The following UST variants were observed in gnomAD, a reference collection of about 807,000 sequenced individuals.
UST encodes uronyl 2-sulfotransferase.
In UST, 21 loss-of-function variants were observed where a neutral mutation model predicts 45.6. That is an observed-to-expected ratio of 0.46 (90% CI 0.33 to 0.66). UST has a LOEUF of 0.66. Among genes scored for constraint, UST ranks in the 30% least tolerant of loss-of-function variants. UST has a pLI of 0.02. For missense variants in UST, 463 were observed against 512.4 expected (o/e 0.90, Z 0.93); for synonymous variants, 215 against 200.6 (o/e 1.07, Z -0.61).
intron 2 of UST, among the ~76,000 whole-genome samples, chr6:148,894,829 T>TTG (rs1779090497): frequency 9.4e-6 from 1 of 106,110 alleles, no homozygotes; most frequent in Non-Finnish European, 2.0e-5. Context: ...TTTTTTTTTT[T>TTG]TTTTTTTGAG....
intron 7 of UST, among the ~76,000 whole-genome samples, chr6:149,032,750 T>A (rs1776173602): frequency 6.6e-6 from 1 of 152,190 alleles, no homozygotes; most frequent in Admixed American, 6.5e-5. Flanking sequence ...CCCCTCTGTG[T>A]CTACCCCAGT....
intron 1 of UST, among the ~76,000 whole-genome samples, chr6:148,779,571 C>G (rs1013427235): frequency 9.2e-5 from 14 of 152,188 alleles, no homozygotes; most frequent in Admixed American, 8.5e-4. Context: ...ATAATAATTC[C>G]CACTCAGCCC....
intron 1 of UST, among the ~76,000 whole-genome samples, chr6:148,847,198 T>C (rs945410262): frequency 6.6e-6 from 1 of 152,292 alleles, no homozygotes; most frequent in Admixed American, 6.5e-5. Flanking sequence ...CACATACTTA[T>C]TATCTCCAGG....
intron 4 of UST, among the ~76,000 whole-genome samples, chr6:148,954,529 C>T (rs940913028): frequency 1.3e-5 from 2 of 152,060 alleles, no homozygotes; most frequent in Admixed American, 6.6e-5. Context: ...GTCACAGTTG[C>T]CTCCAGTATT....
chr6:149,032,778 C>T (rs1270506962), intron 7 of UST, among the ~76,000 whole-genome samples: 2 of 152,194 alleles, frequency 1.3e-5, no homozygotes, highest in Non-Finnish European at 2.9e-5. Context: ...TGTGGTCAGA[C>T]TTGGGGGTTG....
intron 1 of UST, among the ~76,000 whole-genome samples, chr6:148,817,661 A>G (rs1017891462): frequency 6.6e-6 from 1 of 152,210 alleles, no homozygotes; most frequent in Non-Finnish European, 1.5e-5. Context: ...CTGGGTTAAG[A>G]TAAAGGATTA....
At chr6:148,953,017 A>C (rs1170003191) in intron 3 of UST, among the ~76,000 whole-genome samples, 2 of 152,216 alleles carry the variant, frequency 1.3e-5, no homozygotes, top group Non-Finnish European at 2.9e-5. Flanking sequence ...CTTGCTGATA[A>C]CTGCAAATAA....
chr6:149,014,636 A>G (rs1342979668), intron 5 of UST, among the ~76,000 whole-genome samples: 1 of 152,096 alleles, frequency 6.6e-6, no homozygotes, highest in Non-Finnish European at 1.5e-5. Flanking sequence ...GGTGGACTGG[A>G]GTATGTTAAC....
chr6:148,872,183 G>A (rs907159548), intron 1 of UST, among the ~76,000 whole-genome samples: 1 of 152,108 alleles, frequency 6.6e-6, no homozygotes, highest in Non-Finnish European at 1.5e-5. Flanking sequence ...ACTCTTATCT[G>A]TTGATGTTCT....
chr6:149,056,424 G>C (rs1776567840), intron 7 of UST, among the ~76,000 whole-genome samples: 1 of 152,138 alleles, frequency 6.6e-6, no homozygotes, highest in Non-Finnish European at 1.5e-5. Flanking sequence ...GCTTTTCAAA[G>C]TCATAGCCAT....
intron 1 of UST, among the ~76,000 whole-genome samples, chr6:148,764,194 G>A (rs6937883): frequency 0.98 from 149,125 of 152,258 alleles, 73,055 homozygotes; most frequent in East Asian, 1. Flanking sequence ...TAATTCTTGT[G>A]GAGATTTTTC....
chr6:148,775,637 T>TG (rs200831899), intron 1 of UST, among the ~76,000 whole-genome samples: 1 of 121,998 alleles, frequency 8.2e-6, no homozygotes, highest in Non-Finnish European at 1.9e-5. Flanking sequence ...TTTTTTTTTT[T>TG]TTGGGGCGGG....
At chr6:148,826,031 A>G (rs191790497) in intron 1 of UST, among the ~76,000 whole-genome samples, 1 of 152,322 alleles carries the variant, frequency 6.6e-6, no homozygotes, top group African/African-American at 2.4e-5. Context: ...TCATGGAATG[A>G]GTCAAGATTG....
chr6:148,789,724 C>T (rs773272463), intron 1 of UST, among the ~76,000 whole-genome samples: 1 of 151,560 alleles, frequency 6.6e-6, no homozygotes, highest in Non-Finnish European at 1.5e-5. Flanking sequence ...GTAATTCAGC[C>T]TCTCCTGGAA....
chr6:149,035,590 C>CA lies in UST; in HGVS notation c.937+14119dup, dbSNP rs961622566. On this transcript the variant is annotated intron_variant, in intron 7 of 7. Transcript: ENST00000367463. ...GACAACATGGTGAAACCTGTCTCTA[C>CA]AAAAAAAAAATACAAAAATTAGCTG... 1.8e-4 allele frequency among the ~76,000 whole-genome samples: 26 copies of CA among 146,974 alleles called. 1 individual carries two copies. Among genetic ancestry groups the CA allele is most frequent in the East Asian group, 5.9e-4 (3 of 5,060 alleles).
chr6:149,002,307 C>A (rs930819358), intron 5 of UST, among the ~76,000 whole-genome samples: 10 of 151,976 alleles, frequency 6.6e-5, no homozygotes, highest in Admixed American at 6.5e-4. Flanking sequence ...TTTTAAAAAA[C>A]GCAATGTAAG....
intron 2 of UST, among the ~76,000 whole-genome samples, chr6:148,898,723 T>G (rs17079591): frequency 0.021 from 3,154 of 152,316 alleles, 108 homozygotes; most frequent in African/African-American, 0.068. Flanking sequence ...GAAGCCACAG[T>G]TTTAAAAATA....
In UST at chr6:148,775,411, C is replaced by CA. The variant is rs56970228; in HGVS notation, c.247+27742dup. On this transcript the variant is annotated intron_variant, in intron 1 of 7. Transcript: ENST00000367463. The stretch of plus-strand genomic sequence containing the variant: ...TGGCAGTTTCCTTTTGCAGATTTTG[C>CA]AAAAAAAACGTGAGCATGTGCGTTT... 3.1e-3 allele frequency among the ~76,000 whole-genome samples: 472 copies of CA among 151,326 alleles called. 4 individuals are homozygous for CA. Among genetic ancestry groups the CA allele is most frequent in the African/African-American group, 0.011 (446 of 41,284 alleles).
chr6:148,953,923 C>G lies in UST; in HGVS notation c.499C>G (p.Arg167Gly). 6.2e-7 allele frequency: 1 copy of G among 1,608,556 alleles called. No individual in the cohort carries two copies. The highest frequency in any genetic ancestry group is 8.5e-7 in the Non-Finnish European group (1 of 1,177,844). ...TGCCGAACAACCCTATTTATTCACT[C>G]GACATGTTCATTTCCTCAACTTCTC... ...STAEQPYLFT[R>G]HVHFLNFSRF... Residue 167 changes from arginine (R) to glycine (G), a missense_variant, in exon 4 of 8, where the codon CGA (arginine) becomes GGA (glycine). Coordinates refer to ENST00000367463, the MANE Select transcript of UST (RefSeq NM_005715.3).
Sources: gnomAD v4.1 joint callset for allele counts (sites outside exome capture counted in the v4.1 genomes callset) on GRCh38, gnomAD v4.1.1 for gene constraint, MANE v1.5 for transcripts, NCBI Gene and HGNC (gene_info 2026-07-23, HGNC 2026-07-21) for gene names.